The following MAP3K5 variants were observed in gnomAD, a reference collection of about 807,000 sequenced individuals.
MAP3K5 encodes mitogen-activated protein kinase kinase kinase 5.
Under a neutral mutation model 158.7 loss-of-function variants are expected in MAP3K5, and 56 were observed. The observed-to-expected ratio is 0.35, with a 90% CI of 0.28 to 0.44. MAP3K5 has a LOEUF of 0.44. Ranked by LOEUF, MAP3K5 falls within the 20% of genes least tolerant of loss-of-function variation. The probability of loss-of-function intolerance (pLI) is 1.00; values close to 1 mark genes in which losing one functional copy is unlikely to be tolerated. For missense variants in MAP3K5, 1,294 were observed against 1,674.8 expected, an observed-to-expected ratio of 0.77 and a Z score of 3.97; for synonymous variants, 579 against 601.7, an observed-to-expected ratio of 0.96 and a Z score of 0.55.
chr6:136,647,496 C>A (rs985611122), intron 11 of MAP3K5, among the ~76,000 whole-genome samples: 2 of 152,190 alleles, frequency 1.3e-5, no homozygotes, highest in Non-Finnish European at 2.9e-5. Context: ...TTCCTGCCAG[C>A]TCTCAGATTT....
At chr6:136,723,819 C>G (rs2114793769) in intron 1 of MAP3K5, among the ~76,000 whole-genome samples, 1 of 152,262 alleles carries the variant, frequency 6.6e-6, no homozygotes, top group Non-Finnish European at 1.5e-5. Context: ...AAAGGAGCTT[C>G]AGAAGTTTTT....
At chr6:136,634,373 A>AT (rs1777512928) in intron 14 of MAP3K5, among the ~76,000 whole-genome samples, 2 of 152,056 alleles carry the variant, frequency 1.3e-5, no homozygotes, top group Non-Finnish European at 2.9e-5. Flanking sequence ...CGTTTTGCTA[A>AT]AAGAACACCC....
chr6:136,569,553 C>G (rs1050236404), intron 25 of MAP3K5, among the ~76,000 whole-genome samples: 2 of 152,200 alleles, frequency 1.3e-5, no homozygotes, highest in Admixed American at 6.5e-5. Flanking sequence ...GGGACCCCAA[C>G]CACTTCCCCA....
Position 136,611,333 on chromosome 6 carries a change from C to T in MAP3K5, c.2470G>A (p.Gly824Arg), listed in dbSNP as rs1169590839. The T allele has an allele frequency of 8.1e-6, 13 of 1,613,074 alleles. No individual in the cohort carries two copies. In the Admixed American group the frequency reaches 1.0e-4, roughly 12 times the overall value. ...ATGCCAGCAAGCCTCTTTGATGTTC[C>T]GAAGTCAGAGATCTTGAGAACACCA... ...YSGVLKISDF[G>R]TSKRLAGINP... Residue 824 changes from glycine to arginine, a missense_variant, in exon 18 of 30, where the codon GGA becomes AGA. Physicochemically the swap from Gly to Arg is moderately radical, Grantham distance 125. This residue lies in a region of MAP3K5 where 362 missense variants were observed against 463.2 expected (regional missense o/e 0.78). Transcript: ENST00000359015.
At chr6:136,705,278 C>T (rs1482895997) in intron 2 of MAP3K5, 145 bp from the exon 3 acceptor site, 5 of 446,536 alleles carry the variant, frequency 1.1e-5, no homozygotes, top group African/African-American at 1.1e-4. Flanking sequence ...GTTCCTGCAT[C>T]TGAAAAGTTT....
chr6:136,592,903 C>T (rs1221106336), intron 21 of MAP3K5: 1 of 463,812 alleles, frequency 2.2e-6, no homozygotes, highest in Non-Finnish European at 4.1e-6. Context: ...AGGGTCTGAT[C>T]CCCTCATTTT....
rs141293177 is a variant in MAP3K5, at chr6:136,677,012, G to A, written c.1254-7617C>T. On this transcript the variant is annotated intron_variant, in intron 7 of 29. Transcript: ENST00000359015. ...TCACTGTGTTGATCAGGCTGGTCTC[G>A]AACTCCTGACCTTGTGATCCACCTG... Among the ~76,000 whole-genome samples the A allele has an allele frequency of 0.011, 1,627 of 150,366 alleles. 64 individuals carry two copies. In the East Asian group the frequency reaches 0.14, roughly 13 times the overall value.
Position 136,634,353 on chromosome 6 carries a change from C to G in MAP3K5, c.2016+2972G>C, listed in dbSNP as rs1777511697. Among the ~76,000 whole-genome samples, 3 of 152,204 alleles carry G rather than the reference C, an allele frequency of 2.0e-5. No individual in the cohort carries two copies. In the South Asian group the frequency reaches 6.2e-4, roughly 32 times the overall value. ...AGTCCAGAGCATCCCTGTAAACATG[C>G]ATTCATTCACGTTTTGCTAAAAGAA... On this transcript the variant is annotated intron_variant, in intron 14 of 29. Coordinates refer to ENST00000359015, the MANE Select transcript of MAP3K5 (RefSeq NM_005923.4).
chr6:136,569,417 A>G (rs571831231), intron 25 of MAP3K5, among the ~76,000 whole-genome samples: 2 of 152,296 alleles, frequency 1.3e-5, no homozygotes, highest in East Asian at 3.9e-4. Flanking sequence ...CATCTACATA[A>G]TAAGAACCTT....
intron 17 of MAP3K5, among the ~76,000 whole-genome samples, chr6:136,612,556 A>G (rs746952303): frequency 4.6e-5 from 7 of 152,198 alleles, no homozygotes; most frequent in Non-Finnish European, 8.8e-5. Flanking sequence ...CTTATTTTCA[A>G]CAGTCCAGAC....
intron 11 of MAP3K5, among the ~76,000 whole-genome samples, chr6:136,646,370 G>A (rs568826910): frequency 1.3e-5 from 2 of 152,090 alleles, no homozygotes; most frequent in South Asian, 4.1e-4. Flanking sequence ...TATAAAAATT[G>A]TCTCTATGAT....
intron 2 of MAP3K5, among the ~76,000 whole-genome samples, chr6:136,707,569 G>GGA (rs1554301369): frequency 1.1e-3 from 163 of 151,580 alleles, no homozygotes; most frequent in South Asian, 2.3e-3. Flanking sequence ...GGGGGGGGGG[G>GGA]AACCCCTTGA....
At chr6:136,780,794 A>G (rs1784582640) in intron 1 of MAP3K5, among the ~76,000 whole-genome samples, 1 of 152,194 alleles carries the variant, frequency 6.6e-6, no homozygotes, top group Non-Finnish European at 1.5e-5. Context: ...TTTATAACTA[A>G]AATGTTTCAT....
chr6:136,740,211 T>C (rs1782651820), intron 1 of MAP3K5, among the ~76,000 whole-genome samples: 1 of 152,224 alleles, frequency 6.6e-6, no homozygotes, highest in Admixed American at 6.5e-5. Flanking sequence ...TTTCGTCTTT[T>C]CTTTGGTCAT....
chr6:136,595,782 T>C (rs980687632), intron 21 of MAP3K5, among the ~76,000 whole-genome samples: 1 of 152,114 alleles, frequency 6.6e-6, no homozygotes, highest in Non-Finnish European at 1.5e-5. Context: ...TTTGGGAGGC[T>C]GAGGCAGGAG....
intron 1 of MAP3K5, among the ~76,000 whole-genome samples, chr6:136,756,008 A>G (rs1443417747): frequency 6.6e-6 from 1 of 152,108 alleles, no homozygotes; most frequent in Non-Finnish European, 1.5e-5. Flanking sequence ...GTAGAAATGG[A>G]GCTAAGGAGA....
chr6:136,583,057 A>G (rs1774959739), intron 24 of MAP3K5, among the ~76,000 whole-genome samples: 1 of 152,268 alleles, frequency 6.6e-6, no homozygotes, highest in African/African-American at 2.4e-5. Flanking sequence ...TGGCTAGAAC[A>G]GAGTAGGTAT....
chr6:136,647,861 C>T (rs6916746), intron 11 of MAP3K5: 15,330 of 152,374 alleles, frequency 0.1, 1,455 homozygotes, highest in African/African-American at 0.25. Context: ...CCTCACTGAA[C>T]GCCACAGACC....
chr6:136,614,290 A>C lies in MAP3K5; in HGVS notation c.2151-4T>G. On this transcript the variant is annotated splice_region_variant and splice_polypyrimidine_tract_variant and intron_variant, in intron 15 of 29. Transcript: ENST00000359015. ...TTCATGCAGGGGCTGAGAGTATCTA[A>C]AAGACATGCAATTGTCAATGAGTTA... 6.2e-7 allele frequency: 1 copy of C among 1,611,428 alleles called. No homozygotes were observed. Among genetic ancestry groups the C allele is most frequent in the Non-Finnish European group, 8.5e-7 (1 of 1,178,848 alleles).
Sources: gnomAD v4.1 joint callset for allele counts (sites outside exome capture counted in the v4.1 genomes callset) on GRCh38, gnomAD v4.1.1 for gene constraint, gnomAD v4.1.1 regional missense constraint, MANE v1.5 for transcripts, NCBI Gene and HGNC (gene_info 2026-07-23, HGNC 2026-07-21) for gene names.